KIAA1217: variants seen among roughly 807,000 people sequenced by gnomAD.
The protein encoded by KIAA1217 is sickle tail protein homolog.
KIAA1217 carries 88 observed loss-of-function variants against 163.9 expected under a neutral mutation model. The observed-to-expected ratio is 0.54, with a 90% CI of 0.45 to 0.64. The LOEUF is 0.64. KIAA1217 is among the 30% of genes least tolerant of loss of function. KIAA1217 has a pLI of 0.00. For synonymous variants in KIAA1217, 903 were observed against 923.1 expected (o/e 0.98, Z 0.39); for missense variants, 2,372 against 2,475.0 (o/e 0.96, Z 0.88).
chr10:23,900,551 C>T, intron 1 of KIAA1217, among the ~76,000 whole-genome samples: 1 of 152,158 alleles, frequency 6.6e-6, no homozygotes, highest in Non-Finnish European at 1.5e-5. Flanking sequence ...AAAAGAACTT[C>T]CTTTCACAAA....
intron 2 of KIAA1217, among the ~76,000 whole-genome samples, chr10:24,258,854 A>G (rs1393341498): frequency 6.6e-6 from 1 of 152,014 alleles, no homozygotes; most frequent in Non-Finnish European, 1.5e-5. Context: ...GGGCCTCCCA[A>G]AGTGCTGGGA....
intron 2 of KIAA1217, among the ~76,000 whole-genome samples, chr10:24,177,905 G>T (rs2065985909): frequency 6.6e-6 from 1 of 152,156 alleles, no homozygotes. Flanking sequence ...GAAGTTCTTG[G>T]CTGATTGCAA....
chr10:24,173,464 G>A (rs745573412), intron 2 of KIAA1217, among the ~76,000 whole-genome samples: 10 of 152,066 alleles, frequency 6.6e-5, no homozygotes, highest in African/African-American at 1.4e-4. Context: ...CCTGACCCTC[G>A]TCTGTGTAAA....
At chr10:23,937,000 A>T (rs2131326293) in intron 1 of KIAA1217, among the ~76,000 whole-genome samples, 1 of 152,218 alleles carries the variant, frequency 6.6e-6, no homozygotes, top group East Asian at 1.9e-4. Flanking sequence ...TTCCTCAGTC[A>T]CATGAGTAGC....
At chr10:24,164,542 A>G (rs1354875575) in intron 2 of KIAA1217, among the ~76,000 whole-genome samples, 1 of 152,194 alleles carries the variant, frequency 6.6e-6, no homozygotes, top group Non-Finnish European at 1.5e-5. Flanking sequence ...GTGGGCACTC[A>G]ATAAATATTT....
At chr10:23,729,883 T>A (rs1306672056) in intron 1 of KIAA1217, among the ~76,000 whole-genome samples, 2 of 150,718 alleles carry the variant, frequency 1.3e-5, no homozygotes, top group Admixed American at 6.6e-5. Flanking sequence ...GTCATCTACA[T>A]TTTCTTCTGT....
intron 3 of KIAA1217, among the ~76,000 whole-genome samples, chr10:24,393,841 G>T (rs1476300173): frequency 1.3e-5 from 2 of 152,170 alleles, no homozygotes; most frequent in Admixed American, 6.5e-5. Context: ...TAACTCTGTT[G>T]TTTAAGCCCC....
intron 1 of KIAA1217, among the ~76,000 whole-genome samples, chr10:23,745,483 T>A (rs1029580526): frequency 1.3e-5 from 2 of 152,240 alleles, no homozygotes; most frequent in Non-Finnish European, 2.9e-5. Context: ...TTCATATTAC[T>A]GATTATCATG....
chr10:24,292,845 G>A (rs1210791200), intron 2 of KIAA1217, among the ~76,000 whole-genome samples: 4 of 151,866 alleles, frequency 2.6e-5, no homozygotes, highest in Non-Finnish European at 5.9e-5. Flanking sequence ...AGTGGAGAGG[G>A]AATCCTGAGC....
Position 24,547,651 on chromosome 10 carries a change from T to A in KIAA1217, c.*1327T>A, listed in dbSNP as rs2075771716. On this transcript the variant is annotated 3_prime_UTR_variant, in exon 21 of 21. Transcript: ENST00000376454. ...GACTAATGATGAGTTCCTAATAAAT[T>A]AATTGCAAGTGTGGTGCCTTGGATG... 1.3e-5 allele frequency: 2 copies of A among 152,138 alleles called. No individual in the cohort carries two copies. Among genetic ancestry groups the A allele is most frequent in the South Asian group, 4.2e-4 (2 of 4,810 alleles). 9.4% of individuals were successfully genotyped at this position (152,138 alleles called of 1,614,324 possible).
intron 2 of KIAA1217, among the ~76,000 whole-genome samples, chr10:24,092,928 T>TGTTGTGTGTGTGTG (rs548350322): frequency 0.01 from 1,443 of 141,016 alleles, 42 homozygotes; most frequent in African/African-American, 0.037. Context: ...TGTGTGTGTG[T>TGTTGTGTGTGTGTG]TGTGTGTGTG....
intron 2 of KIAA1217, among the ~76,000 whole-genome samples, chr10:24,297,936 G>T (rs1224696477): frequency 6.6e-6 from 1 of 151,680 alleles, no homozygotes; most frequent in East Asian, 1.9e-4. Context: ...TAGATACCTT[G>T]CAAGGCATAG....
chr10:24,193,829 CACACACACACACACACAA>C (rs1310544569), intron 2 of KIAA1217, among the ~76,000 whole-genome samples: 46 of 151,420 alleles, frequency 3.0e-4, no homozygotes, highest in African/African-American at 9.7e-4. Flanking sequence ...CACACACACA[CACACACACACACACACAA>C]AGCAGTCACG....
intron 1 of KIAA1217, among the ~76,000 whole-genome samples, chr10:23,824,133 C>T (rs1033409943): frequency 6.6e-6 from 1 of 151,852 alleles, no homozygotes; most frequent in Non-Finnish European, 1.5e-5. Flanking sequence ...ATTAGCCCAG[C>T]GTGTTGGTGC....
chr10:24,370,264 C>CAAAAAAAAAAAAAAAAAAA (rs5783891), intron 2 of KIAA1217, among the ~76,000 whole-genome samples: 1 of 73,430 alleles, frequency 1.4e-5, no homozygotes, highest in Admixed American at 1.7e-4. Flanking sequence ...GACTCTGTCT[C>CAAAAAAAAAAAAAAAAAAA]AAAAAAAAAA....
At position 24,543,944 on chromosome 10, in the gene KIAA1217, T is replaced by G. The variant is rs2135495975; in HGVS notation, c.4674T>G (p.Gly1558=). Residue 1558 remains glycine, a synonymous_variant, in exon 19 of 21, where the codon GGT becomes GGG. Coordinates refer to ENST00000376454, the MANE Select transcript of KIAA1217 (RefSeq NM_019590.5). ...ATTCTCCAAATTCGGAATGCAAGGG[T>G]GAGGACGCGACCGATGACCAGTTTG... ...HVDSPNSECK[G]EDATDDQFES... 6.2e-7 allele frequency: 1 copy of G among 1,613,794 alleles called. No homozygotes were observed. The highest frequency in any genetic ancestry group is 1.6e-4 in the Middle Eastern group (1 of 6,062).
chr10:24,360,789 C>T (rs1363172944), intron 2 of KIAA1217, among the ~76,000 whole-genome samples: 1 of 152,152 alleles, frequency 6.6e-6, no homozygotes, highest in Admixed American at 6.5e-5. Flanking sequence ...AGAGGCCACG[C>T]ATGTAGATAT....
In KIAA1217 at chr10:24,460,501, C is replaced by A. The variant is rs564257003; in HGVS notation, c.847-12727C>A. On this transcript the variant is annotated intron_variant, in intron 5 of 20. Coordinates refer to ENST00000376454, the MANE Select transcript of KIAA1217 (RefSeq NM_019590.5). ...ATGTTTATTTTGAGGAAAAATTGAA[C>A]CTGGCAGATCTGTGAATTACTGTCT... 2.6e-5 allele frequency among the ~76,000 whole-genome samples: 4 copies of A among 152,144 alleles called. No homozygotes were observed. In the South Asian group the frequency reaches 6.2e-4, roughly 24 times the overall value.
intron 2 of KIAA1217, among the ~76,000 whole-genome samples, chr10:24,168,156 G>A (rs971314354): frequency 6.6e-6 from 1 of 152,076 alleles, no homozygotes; most frequent in Non-Finnish European, 1.5e-5. Flanking sequence ...ATTGCTAGGG[G>A]TATGTGACAC....
Sources: gnomAD v4.1 joint callset for allele counts (sites outside exome capture counted in the v4.1 genomes callset) on GRCh38, gnomAD v4.1.1 for gene constraint, MANE v1.5 for transcripts, NCBI Gene and HGNC (gene_info 2026-07-23, HGNC 2026-07-21) for gene names.